Variants in TEAD1 observed in about 807,000 individuals in gnomAD.
The protein encoded by TEAD1 is TEA domain transcription factor 1.
A neutral mutation model predicts 54.9 loss-of-function variants in TEAD1; 9 were observed. The observed-to-expected ratio is 0.16, with a 90% CI of 0.10 to 0.29. TEAD1 has a LOEUF of 0.29. TEAD1 is among the 10% of genes least tolerant of loss of function. The probability of loss-of-function intolerance (pLI) is 1.00; values close to 1 mark genes in which losing one functional copy is unlikely to be tolerated. For synonymous variants in TEAD1, 200 were observed against 187.8 expected, an observed-to-expected ratio of 1.07 and a Z score of -0.53; for missense variants, 387 against 535.9, an observed-to-expected ratio of 0.72 and a Z score of 2.74.
chr11:12,719,667 A>G (rs1243362545), intron 2 of TEAD1, among the ~76,000 whole-genome samples: 1 of 152,004 alleles, frequency 6.6e-6, no homozygotes, highest in Non-Finnish European at 1.5e-5. Context: ...GCTGAGGTAA[A>G]TCTTGGCAGC....
chr11:12,839,070 T>A (rs1260714553), intron 3 of TEAD1, among the ~76,000 whole-genome samples: 1 of 151,946 alleles, frequency 6.6e-6, no homozygotes, highest in Non-Finnish European at 1.5e-5. Context: ...TCCCAAATAT[T>A]CTTTTTTCTC....
rs182514935 is a variant in TEAD1 at position 12,941,833 on chromosome 11, A to G, written c.*4611A>G. The G allele has an allele frequency of 6.5e-6, 1 of 152,738 alleles. No homozygotes were observed. Among genetic ancestry groups the G allele is most frequent in the Admixed American group, 6.5e-5 (1 of 15,302 alleles). 9.5% of individuals were successfully genotyped at this position (152,738 alleles called of 1,614,324 possible). A position where few individuals can be genotyped will look rare whatever the true frequency, so the allele number is the denominator to read the frequency against. On this transcript the variant is annotated 3_prime_UTR_variant, in exon 13 of 13. Coordinates refer to ENST00000527636, the MANE Select transcript of TEAD1 (RefSeq NM_021961.6). Reference sequence around the variant, plus strand: ...TTTCTCTTACTACTGTTACTTTTGTAGGAAGTTTTCAATTCAGAGCTGCCA... The same window carrying G: ...TTTCTCTTACTACTGTTACTTTTGTGGGAAGTTTTCAATTCAGAGCTGCCA...
chr11:12,677,702 A>G (rs1564903712), intron 2 of TEAD1, among the ~76,000 whole-genome samples: 2 of 152,240 alleles, frequency 1.3e-5, no homozygotes, highest in African/African-American at 2.4e-5. Flanking sequence ...GCAGAAAAGT[A>G]TATAATACGA....
intron 9 of TEAD1, among the ~76,000 whole-genome samples, chr11:12,887,364 G>T (rs1286405915): frequency 3.3e-5 from 5 of 152,012 alleles, no homozygotes; most frequent in Admixed American, 3.3e-4. Flanking sequence ...CAAAGTGCTG[G>T]GATTACAGGC....
intron 3 of TEAD1, among the ~76,000 whole-genome samples, chr11:12,821,496 T>C (rs1946544493): frequency 6.6e-6 from 1 of 152,366 alleles, no homozygotes; most frequent in Admixed American, 6.5e-5. Context: ...AGTTAACCTT[T>C]GTCAGCGCTT....
At chr11:12,933,386 T>C (rs186232998) in intron 12 of TEAD1, among the ~76,000 whole-genome samples, 1 of 152,208 alleles carries the variant, frequency 6.6e-6, no homozygotes, top group Non-Finnish European at 1.5e-5. Context: ...AATCATCTAA[T>C]TGATGAACAG....
chr11:12,691,868 T>G (rs1489498670), intron 2 of TEAD1, among the ~76,000 whole-genome samples: 1 of 152,214 alleles, frequency 6.6e-6, no homozygotes, highest in African/African-American at 2.4e-5. Context: ...CTCATCTGTT[T>G]CAATAAATAT....
intron 10 of TEAD1, among the ~76,000 whole-genome samples, chr11:12,924,525 C>T (rs527504674): frequency 1.3e-5 from 2 of 152,090 alleles, no homozygotes; most frequent in Non-Finnish European, 2.9e-5. Flanking sequence ...TGACAAATGG[C>T]TAGTCAGCTG....
At chr11:12,693,921 G>A (rs553803932) in intron 2 of TEAD1, among the ~76,000 whole-genome samples, 47 of 152,342 alleles carry the variant, frequency 3.1e-4, no homozygotes, top group African/African-American at 1.1e-3. Context: ...CTATAGCCGC[G>A]TTGGTGGTTA....
At chr11:12,862,165 T>A in intron 3 of TEAD1, 85 bp from the exon 4 acceptor site, 1 of 1,050,540 alleles carries the variant, frequency 9.5e-7, no homozygotes, top group African/African-American at 1.6e-5. Flanking sequence ...AATTCTTGAT[T>A]CTGAATTTTG....
rs71313453 is a variant in TEAD1 at position 12,898,398 on chromosome 11, C to CTT, written c.700-3529_700-3528dup. On this transcript the variant is annotated intron_variant, in intron 9 of 12. Coordinates refer to ENST00000527636, the MANE Select transcript of TEAD1 (RefSeq NM_021961.6). ...AGCTATAATTTATTGAACATGAACACTTTTTTTTTTTTTTGAGACGGAGTA... is the reference window on the plus strand; with the variant it reads ...AGCTATAATTTATTGAACATGAACACTTTTTTTTTTTTTTTTGAGACGGAGTA... Among the ~76,000 whole-genome samples, 916 of 144,508 alleles carry CTT rather than the reference C, an allele frequency of 6.3e-3. 8 individuals are homozygous for CTT. The highest frequency in any genetic ancestry group is 0.021 in the African/African-American group (813 of 39,416). 94.8% of individuals were successfully genotyped at this position (144,508 alleles called of 152,430 possible). A position where few individuals can be genotyped will look rare whatever the true frequency, so the allele number is the denominator to read the frequency against.
chr11:12,741,824 C>T (rs1339465880), intron 2 of TEAD1, among the ~76,000 whole-genome samples: 2 of 152,176 alleles, frequency 1.3e-5, no homozygotes, highest in African/African-American at 2.4e-5. Flanking sequence ...AAGCTTTTGC[C>T]GTGTGCCAGA....
chr11:12,933,397 G>A (rs927739376), intron 12 of TEAD1, among the ~76,000 whole-genome samples: 4 of 152,078 alleles, frequency 2.6e-5, no homozygotes, highest in Non-Finnish European at 5.9e-5. Context: ...TGATGAACAG[G>A]AGAAATTGTA....
chr11:12,807,657 A>G (rs1946204062), intron 3 of TEAD1, among the ~76,000 whole-genome samples: 1 of 152,246 alleles, frequency 6.6e-6, no homozygotes, highest in Non-Finnish European at 1.5e-5. Context: ...AGGAAGGCCT[A>G]TGGGTTTATA....
At position 12,719,950 on chromosome 11, in the gene TEAD1, T is replaced by G. The variant is rs535757339; in HGVS notation, c.-54-44229T>G. Among the ~76,000 whole-genome samples, 38 of 15,770 alleles carry G rather than the reference T, an allele frequency of 2.4e-3. No individual in the cohort carries two copies. The South Asian group carries it at 0.068, about 28-fold the overall frequency. The allele number at this position is 15,770 out of a possible 152,430, so 10.3% of individuals were successfully genotyped here. ...CCGGCGTGTGTTTGGAAATCTAATG[T>G]TTTTTTTTTTTTTTTTTTTTTTTTT... On this transcript the variant is annotated intron_variant, in intron 2 of 12. Coordinates refer to ENST00000527636, the MANE Select transcript of TEAD1 (RefSeq NM_021961.6).
intron 2 of TEAD1, among the ~76,000 whole-genome samples, chr11:12,747,987 A>C (rs1231071072): frequency 6.7e-6 from 1 of 149,834 alleles, no homozygotes; most frequent in African/African-American, 2.5e-5. Context: ...TTTGAGACAG[A>C]GTCTTGCTCT....
chr11:12,728,215 G>C lies in TEAD1; in HGVS notation c.-54-35964G>C, dbSNP rs555541520. On this transcript the variant is annotated intron_variant, in intron 2 of 12. Coordinates refer to ENST00000527636, the MANE Select transcript of TEAD1 (RefSeq NM_021961.6). ...TAAAGACAGCAAAGGAGGGAGCTAA[G>C]GGACAGTTGTAGCTGCCTGGAGTGC... is the stretch of plus-strand genomic sequence containing the variant. 6.6e-4 allele frequency among the ~76,000 whole-genome samples: 100 copies of C among 152,320 alleles called. 2 individuals are homozygous for C. Among genetic ancestry groups the C allele is most frequent in the South Asian group, 4.3e-3 (21 of 4,830 alleles).
intron 2 of TEAD1, among the ~76,000 whole-genome samples, chr11:12,722,568 A>T (rs1192529052): frequency 6.6e-6 from 1 of 152,056 alleles, no homozygotes; most frequent in Non-Finnish European, 1.5e-5. Context: ...ATAACATACA[A>T]ATTGGTTTCC....
intron 9 of TEAD1, among the ~76,000 whole-genome samples, chr11:12,895,829 A>G (rs1298145295): frequency 6.6e-6 from 1 of 152,182 alleles, no homozygotes; most frequent in African/African-American, 2.4e-5. Context: ...ACATTTCTAA[A>G]TAACATGCTT....
Sources: gnomAD v4.1 joint callset for allele counts (sites outside exome capture counted in the v4.1 genomes callset) on GRCh38, gnomAD v4.1.1 for gene constraint, MANE v1.5 for transcripts, NCBI Gene and HGNC (gene_info 2026-07-23, HGNC 2026-07-21) for gene names.